The following SLC2A7 variants were observed in gnomAD, a reference collection of about 807,000 sequenced individuals.
The protein encoded by SLC2A7 is solute carrier family 2, facilitated glucose transporter member 7.
SLC2A7 carries 50 observed loss-of-function variants against 50.5 expected under a neutral mutation model. That is an observed-to-expected ratio of 0.99 (90% CI 0.79 to 1.25). The LOEUF (loss-of-function observed/expected upper bound fraction) is 1.25. Among genes scored for constraint, SLC2A7 ranks in the 50% most tolerant of loss-of-function variants. SLC2A7 has a pLI of 0.00. For missense variants in SLC2A7, 683 were observed against 679.1 expected (o/e 1.01, Z -0.06); for synonymous variants, 308 against 300.4 (o/e 1.03, Z -0.26).
intron 8 of SLC2A7, among the ~76,000 whole-genome samples, chr1:9,010,736 G>C (rs923234950): frequency 6.6e-6 from 1 of 152,176 alleles, no homozygotes; most frequent in Non-Finnish European, 1.5e-5. Context: ...AGACATTCAT[G>C]CTCTTCACCA....
chr1:9,022,043 C>T (rs535787418), intron 3 of SLC2A7, among the ~76,000 whole-genome samples: 4 of 152,212 alleles, frequency 2.6e-5, no homozygotes, highest in South Asian at 2.1e-4. Flanking sequence ...AATTAATTGT[C>T]GATCAAGTAT....
At chr1:9,013,693 CTT>C in intron 7 of SLC2A7, 58 bp from the exon 8 acceptor site, 3 of 1,438,876 alleles carry the variant, frequency 2.1e-6, no homozygotes, top group Non-Finnish European at 2.9e-6. Context: ...GCTGGCTTAA[CTT>C]TCTCAACTCA....
chr1:9,009,479 G>C (rs950952048), intron 9 of SLC2A7, among the ~76,000 whole-genome samples: 3 of 152,028 alleles, frequency 2.0e-5, no homozygotes, highest in African/African-American at 7.2e-5. Flanking sequence ...TCTTTTTTGA[G>C]ACAGGGTCTC....
intron 2 of SLC2A7, among the ~76,000 whole-genome samples, chr1:9,024,356 T>C (rs949549312): frequency 6.6e-6 from 1 of 152,200 alleles, no homozygotes; most frequent in Non-Finnish European, 1.5e-5. Flanking sequence ...CACTAATATA[T>C]GTATATATAC....
chr1:8,993,722 G>A, the SLC2A7 span, among the ~76,000 whole-genome samples: 1 of 152,206 alleles, frequency 6.6e-6, no homozygotes, highest in Non-Finnish European at 1.5e-5. Context: ...CCGCCTCCCA[G>A]GTTCAAGCGA....
intron 3 of SLC2A7, among the ~76,000 whole-genome samples, chr1:9,020,868 T>C (rs1640903573): frequency 6.6e-6 from 1 of 151,966 alleles, no homozygotes; most frequent in South Asian, 2.1e-4. Context: ...AGTGAATAAG[T>C]CTCACCAGGT....
At chr1:9,013,411 A>C in intron 8 of SLC2A7, 114 bp downstream of exon 8, 3 of 772,864 alleles carry the variant, frequency 3.9e-6, no homozygotes, top group Middle Eastern at 3.9e-4. Flanking sequence ...ATGTCCCTTA[A>C]ATGACCCCAG....
At chr1:9,017,963 C>T (rs956621450) in intron 5 of SLC2A7, among the ~76,000 whole-genome samples, 7 of 152,094 alleles carry the variant, frequency 4.6e-5, no homozygotes, top group Non-Finnish European at 2.9e-5. Flanking sequence ...CTCTCGACCT[C>T]ACTTCCCCAA....
At chr1:8,997,863 A>G in the SLC2A7 span, among the ~76,000 whole-genome samples, 1 of 152,072 alleles carries the variant, frequency 6.6e-6, no homozygotes, top group Non-Finnish European at 1.5e-5. Flanking sequence ...AGTCCAATTT[A>G]TCAATTTTTT....
chr1:9,007,237 C>G lies in SLC2A7; in HGVS notation c.1192+73G>C, dbSNP rs183505286. ...GTCCATTCACTCAGCAAATATGTGTCGAGCACTGACTGTGTGTCAGGCCCA... is the reference window on the plus strand; with the variant it reads ...GTCCATTCACTCAGCAAATATGTGTGGAGCACTGACTGTGTGTCAGGCCCA... On this transcript the variant is annotated intron_variant, in intron 10 of 11. Coordinates refer to ENST00000400906, the MANE Select transcript of SLC2A7 (RefSeq NM_207420.3). The G allele has an allele frequency of 3.9e-6, 6 of 1,536,616 alleles. No individual in the cohort carries two copies. The Admixed American group carries it at 8.4e-5, about 21-fold the overall frequency.
In SLC2A7 at chr1:9,003,522, G is replaced by T; in HGVS notation, c.1321-4C>A. On this transcript the variant is annotated splice_region_variant and splice_polypyrimidine_tract_variant and intron_variant, in intron 11 of 11. Coordinates refer to ENST00000400906, the MANE Select transcript of SLC2A7 (RefSeq NM_207420.3). ...AACTGTAGGCACCGATGGCCTCCTA[G>T]ACCAGGAGACGAGAAAGACAGGAGG... 6.2e-7 allele frequency: 1 copy of T among 1,613,532 alleles called. No individual in the cohort carries two copies. The highest frequency in any genetic ancestry group is 1.1e-5 in the South Asian group (1 of 91,052).
In SLC2A7 at chr1:9,007,423, G is replaced by A. The variant is rs141765860; in HGVS notation, c.1117-38C>T. ...GCAGGGCTGTCTGGGCTGAGGCCAG[G>A]AGCCCCACGTGCGGGGGGGTCCACC... On this transcript the variant is annotated intron_variant, in intron 9 of 11. Transcript: ENST00000400906. 4.8e-4 allele frequency: 764 copies of A among 1,606,696 alleles called. 4 individuals are homozygous for A. In the African/African-American group the frequency reaches 8.7e-3, roughly 18 times the overall value.
At chr1:9,022,528 G>A (rs1640925924) in intron 3 of SLC2A7, among the ~76,000 whole-genome samples, 3 of 152,232 alleles carry the variant, frequency 2.0e-5, no homozygotes, top group South Asian at 4.1e-4. Context: ...GCAAAGACAC[G>A]CGGGGAGAGG....
chr1:9,018,040 G>A (rs1640855634), intron 5 of SLC2A7, among the ~76,000 whole-genome samples, 183 bp downstream of exon 5: 1 of 151,950 alleles, frequency 6.6e-6, no homozygotes, highest in Non-Finnish European at 1.5e-5. Flanking sequence ...TCCTAAGCAC[G>A]ATTTGTCGCC....
In SLC2A7 at chr1:9,004,866, C is replaced by CGA. The variant is rs956338902; in HGVS notation, c.1204_1205dup (p.Val403ArgfsTer3). The CGA allele has an allele frequency of 6.2e-7, 1 of 1,613,656 alleles. No homozygotes were observed. The highest frequency in any genetic ancestry group is 8.5e-7 in the Non-Finnish European group (1 of 1,179,854). On this transcript the variant is annotated frameshift_variant, in exon 11 of 12. Coordinates refer to ENST00000400906, the MANE Select transcript of SLC2A7 (RefSeq NM_207420.3). LOFTEE classifies it high-confidence loss of function. Reference sequence around the variant, plus strand: ...GCAGGAAGATCTCGGTCCTCACCACCGAGGGGACAGGACCTGGAGGGCAGA... The same window carrying CGA: ...GCAGGAAGATCTCGGTCCTCACCACCGAGAGGGGACAGGACCTGGAGGGCAGA...
chr1:9,011,311 T>G (rs1640746044), intron 8 of SLC2A7, among the ~76,000 whole-genome samples: 1 of 152,214 alleles, frequency 6.6e-6, no homozygotes. Flanking sequence ...AGCCACCTCC[T>G]GATCTGTTGG....
chr1:8,994,803 C>T, the SLC2A7 span, among the ~76,000 whole-genome samples: 1 of 151,828 alleles, frequency 6.6e-6, no homozygotes, highest in African/African-American at 2.4e-5. Flanking sequence ...TGGAGTCTTG[C>T]TCCATCGCCC....
Position 9,003,449 on chromosome 1 carries a change from C to A in SLC2A7, c.1390G>T (p.Val464Leu). 1 of 1,614,184 alleles carries A rather than the reference C, an allele frequency of 6.2e-7. No homozygotes were observed. The highest frequency in any genetic ancestry group is 1.3e-5 in the African/African-American group (1 of 75,038). The change falls in exon 12 of 12, where the codon GTG becomes TTG. Residue 464 changes from valine (V) to leucine (L), a missense_variant. By Grantham distance (32) the Val-to-Leu change is conservative. Transcript: ENST00000400906. ...TTGCCCTTGGTCTCCGGAATAACCACGTAGATGTAAATCGCAGTGAGGAGG... is the reference window on the plus strand; with the variant it reads ...TTGCCCTTGGTCTCCGGAATAACCAAGTAGATGTAAATCGCAGTGAGGAGG... ...ICLLTAIYIYVVIPETKGKTF... is the reference protein window; with the variant it reads ...ICLLTAIYIYLVIPETKGKTF...
At position 9,003,155 on chromosome 1, in the gene SLC2A7, G is replaced by A; in HGVS notation, c.*145C>T. 1.5e-6 allele frequency: 1 copy of A among 678,794 alleles called. No individual in the cohort carries two copies. Among genetic ancestry groups the A allele is most frequent in the Non-Finnish European group, 2.5e-6 (1 of 402,660 alleles). 42.0% of individuals were successfully genotyped at this position (678,794 alleles called of 1,614,324 possible). A position where few individuals can be genotyped will look rare whatever the true frequency, so the allele number is the denominator to read the frequency against. On this transcript the variant is annotated 3_prime_UTR_variant, in exon 12 of 12. Transcript: ENST00000400906. ...CTCAGCTAAATATGCATTGTTGTGGGTATTTAATAATATCCATAATTAAGT... is the reference window on the plus strand; with the variant it reads ...CTCAGCTAAATATGCATTGTTGTGGATATTTAATAATATCCATAATTAAGT...
Sources: allele counts gnomAD v4.1 joint callset (sites outside exome capture counted in the v4.1 genomes callset), GRCh38; gene constraint gnomAD v4.1.1; transcripts MANE v1.5; gene names NCBI Gene and HGNC (gene_info 2026-07-23, HGNC 2026-07-21).